CSNK1G2: variants seen among roughly 807,000 people sequenced by gnomAD.
The protein encoded by CSNK1G2 is casein kinase 1 gamma 2.
Under a neutral mutation model 48.0 loss-of-function variants are expected in CSNK1G2, and 11 were observed. That is an observed-to-expected ratio of 0.23 (90% CI 0.14 to 0.38). The LOEUF is 0.38. CSNK1G2 is among the 10% of genes least tolerant of loss of function. CSNK1G2 has a pLI of 1.00. For synonymous variants in CSNK1G2, 337 were observed against 254.1 expected (o/e 1.33, Z -3.10); for missense variants, 446 against 595.5 (o/e 0.75, Z 2.61).
rs2014487949 is a variant in CSNK1G2 at position 1,944,650 on chromosome 19, C to T, written c.-266+3232C>T. ...CCCTGTGACTGGCACGTGGGTGCAG[C>T]CGTCTGCTGGGTGGGTCTGTCCGGG... On this transcript the variant is annotated intron_variant, in intron 1 of 11. Transcript: ENST00000255641. 2.7e-5 allele frequency among the ~76,000 whole-genome samples: 4 copies of T among 150,042 alleles called. No homozygotes were observed. The South Asian group carries it at 8.4e-4, about 32-fold the overall frequency.
In CSNK1G2 at chr19:1,978,278, C is replaced by A. The variant is rs377348496; in HGVS notation, c.188-27C>A. ...CGGGGCTAGGTGGGCCCTGCGCTGG[C>A]GGTGCTGATGGTCTCTGTCCCCGCA... On this transcript the variant is annotated intron_variant, in intron 2 of 11. Transcript: ENST00000255641. This position sits in a 1 kb window ranked among gnomAD's most constrained non-coding sequence, Gnocchi z 7.3. 7 of 1,612,874 alleles carry A rather than the reference C, an allele frequency of 4.3e-6. No individual in the cohort carries two copies. The highest frequency in any genetic ancestry group is 5.9e-6 in the Non-Finnish European group (7 of 1,179,694).
intron 11 of CSNK1G2, 43 bp from the exon 12 acceptor site, chr19:1,980,106 C>G: frequency 6.2e-7 from 1 of 1,611,060 alleles, no homozygotes; most frequent in Non-Finnish European, 8.5e-7. Context: ...GCTGCCCCCG[C>G]CCTGCACCCC....
intron 1 of CSNK1G2, among the ~76,000 whole-genome samples, chr19:1,966,059 A>G (rs1273152163): frequency 3.3e-5 from 5 of 152,202 alleles, no homozygotes; most frequent in Non-Finnish European, 7.3e-5. Flanking sequence ...TCAGCCTCCC[A>G]AAGTGTCGGG....
intron 1 of CSNK1G2, among the ~76,000 whole-genome samples, chr19:1,956,110 C>T (rs2014989495): frequency 6.6e-6 from 1 of 152,196 alleles, no homozygotes; most frequent in South Asian, 2.1e-4. Context: ...GGCAGGGGTG[C>T]CGAGAGGCCC....
At chr19:1,950,442 A>G (rs549311382) in intron 1 of CSNK1G2, among the ~76,000 whole-genome samples, 2 of 146,920 alleles carry the variant, frequency 1.4e-5, no homozygotes, top group South Asian at 4.4e-4. Flanking sequence ...CCTGGCCATC[A>G]ATGTTTATTT....
rs1229305955 is a variant in CSNK1G2, at chr19:1,975,682, CA to C, written c.188-2622del. ...TGCTGGACTGAACCTGCAGCTGATT[CA>C]GGGGGCAGTGTCCTGAGCTCTAAAA... On this transcript the variant is annotated intron_variant, in intron 2 of 11. Transcript: ENST00000255641. 45 of 985,432 alleles carry C rather than the reference CA, an allele frequency of 4.6e-5. No homozygotes were observed. The African/African-American group carries it at 7.1e-4, about 16-fold the overall frequency. 61.0% of individuals were successfully genotyped at this position (985,432 alleles called of 1,614,324 possible). A position where few individuals can be genotyped will look rare whatever the true frequency, so the allele number is the denominator to read the frequency against.
At chr19:1,974,992 C>T (rs2015704495) in intron 2 of CSNK1G2, 4 of 904,254 alleles carry the variant, frequency 4.4e-6, no homozygotes, top group Non-Finnish European at 5.3e-6. Flanking sequence ...CGACCTCCTC[C>T]AGGAGTCTGC....
At chr19:1,948,448 G>A (rs904841669) in intron 1 of CSNK1G2, among the ~76,000 whole-genome samples, 1 of 149,136 alleles carries the variant, frequency 6.7e-6, no homozygotes, top group African/African-American at 2.5e-5. Context: ...GCATGAACCC[G>A]GGAGGCGAAG....
chr19:1,954,191 C>T (rs111464223), intron 1 of CSNK1G2: 14 of 383,682 alleles, frequency 3.6e-5, no homozygotes, highest in Middle Eastern at 3.9e-4. Flanking sequence ...GCAGCTCCTG[C>T]GCCCCTCCAT....
At chr19:1,942,983 C>T (rs2014425050) in intron 1 of CSNK1G2, among the ~76,000 whole-genome samples, 1 of 152,158 alleles carries the variant, frequency 6.6e-6, no homozygotes, top group African/African-American at 2.4e-5. Context: ...GAGTGTTTTG[C>T]TCAGCCCCCC....
At chr19:1,953,143 C>T in intron 1 of CSNK1G2, 1 of 372,716 alleles carries the variant, frequency 2.7e-6, no homozygotes, top group Admixed American at 3.8e-5. Flanking sequence ...CACCCCGGGT[C>T]CCACTCGCCC....
chr19:1,943,629 CTG>C (rs2014447692), intron 1 of CSNK1G2, among the ~76,000 whole-genome samples: 1 of 151,572 alleles, frequency 6.6e-6, no homozygotes, highest in Non-Finnish European at 1.5e-5. Flanking sequence ...AGGGGGGGCA[CTG>C]TGTCTTTTGG....
chr19:1,955,749 G>C (rs141781816), intron 1 of CSNK1G2, among the ~76,000 whole-genome samples: 4 of 152,326 alleles, frequency 2.6e-5, no homozygotes, highest in African/African-American at 9.6e-5. Flanking sequence ...GCTGTCACCG[G>C]AGGAGGCTGC....
At position 1,969,973 on chromosome 19, in the gene CSNK1G2, C is replaced by T. The variant is rs752174642; in HGVS notation, c.187+14C>T. 5 of 1,302,392 alleles carry T rather than the reference C, an allele frequency of 3.8e-6. No homozygotes were observed. The highest frequency in any genetic ancestry group is 3.2e-5 in the South Asian group (1 of 31,546). The allele number at this position is 1,302,392 out of a possible 1,614,324, so 80.7% of individuals were successfully genotyped here. On this transcript the variant is annotated intron_variant, in intron 2 of 11. Coordinates refer to ENST00000255641, the MANE Select transcript of CSNK1G2 (RefSeq NM_001319.7). ...AGCTCCGCCTAGGTGAGGCCCTGCTCGGTGGTAGGTGGGGTCGGGAGGCTG... is the reference window on the plus strand; with the variant it reads ...AGCTCCGCCTAGGTGAGGCCCTGCTTGGTGGTAGGTGGGGTCGGGAGGCTG...
chr19:1,965,242 C>G (rs1230962621), intron 1 of CSNK1G2, among the ~76,000 whole-genome samples: 4 of 150,282 alleles, frequency 2.7e-5, no homozygotes, highest in Admixed American at 6.6e-5. Context: ...AATTAACCGG[C>G]CGTGGTGGCG....
chr19:1,953,721 C>T (rs2014870784), intron 1 of CSNK1G2: 1 of 392,514 alleles, frequency 2.5e-6, no homozygotes, highest in Admixed American at 3.1e-5. Flanking sequence ...CGCCGTCCCC[C>T]ACATCCCCCC....
intron 1 of CSNK1G2, among the ~76,000 whole-genome samples, chr19:1,951,903 A>G (rs1434926393): frequency 6.6e-6 from 1 of 152,010 alleles, no homozygotes; most frequent in Non-Finnish European, 1.5e-5. Context: ...GATGGTCTCG[A>G]TCTCCTGACC....
chr19:1,951,470 C>T (rs1240239539), intron 1 of CSNK1G2, among the ~76,000 whole-genome samples: 2 of 145,464 alleles, frequency 1.4e-5, no homozygotes, highest in Non-Finnish European at 3.0e-5. Context: ...CCATTCAGAC[C>T]CTGCCAGATC....
intron 1 of CSNK1G2, among the ~76,000 whole-genome samples, chr19:1,946,313 A>G (rs1478527491): frequency 4.3e-5 from 3 of 70,050 alleles, no homozygotes; most frequent in African/African-American, 7.4e-5. Flanking sequence ...TTTTTTTAAG[A>G]TGGAGTCTTG....
Sources: allele counts gnomAD v4.1 joint callset (sites outside exome capture counted in the v4.1 genomes callset), GRCh38; gene constraint gnomAD v4.1.1; non-coding constraint Gnocchi (gnomAD v3.1); transcripts MANE v1.5; gene names NCBI Gene and HGNC (gene_info 2026-07-23, HGNC 2026-07-21).